Variants in TCAF1 observed in about 807,000 individuals in gnomAD.
TCAF1 encodes TRPM8 channel-associated factor 1.
TCAF1 carries 4 observed loss-of-function variants against 27.3 expected under a neutral mutation model. The ratio of observed to expected loss-of-function variants is 0.15; its 90% CI spans 0.07 to 0.34. TCAF1 has a LOEUF of 0.34. Ranked by LOEUF, TCAF1 falls within the 10% of genes least tolerant of loss-of-function variation. TCAF1 has a pLI of 1.00. For synonymous variants in TCAF1, 105 were observed against 167.1 expected, an observed-to-expected ratio of 0.63 and a Z score of 2.87; for missense variants, 257 against 425.8, an observed-to-expected ratio of 0.60 and a Z score of 3.49.
chr7:143,884,168 C>G (rs926260234), intron 1 of TCAF1, among the ~76,000 whole-genome samples: 1 of 152,130 alleles, frequency 6.6e-6, no homozygotes, highest in Non-Finnish European at 1.5e-5. Context: ...AATAAATATT[C>G]AAATCATCCT....
rs1383849526 is a variant in TCAF1 at position 143,851,948 on chromosome 7, T to C, written c.*2185A>G. The C allele has an allele frequency of 6.6e-6, 1 of 152,224 alleles. No homozygotes were observed. The highest frequency in any genetic ancestry group is 1.5e-5 in the Non-Finnish European group (1 of 68,052). The allele number at this position is 152,224 out of a possible 1,614,324, so 9.4% of individuals were successfully genotyped here. The stretch of plus-strand genomic sequence containing the variant: ...ATAAAAAATGAAACCTTTCACACTT[T>C]GTTAATAGGCTGATCTGAACATTGA... On this transcript the variant is annotated 3_prime_UTR_variant, in exon 9 of 9. Transcript: ENST00000479870.
At chr7:143,881,912 G>C (rs1322882735) in intron 1 of TCAF1, 1 of 152,136 alleles carries the variant, frequency 6.6e-6, no homozygotes, top group Admixed American at 6.5e-5. Context: ...AGAAGACCTG[G>C]GTATTATTAC....
chr7:143,885,665 T>A, intron 1 of TCAF1: 1 of 496,388 alleles, frequency 2.0e-6, no homozygotes, highest in Non-Finnish European at 2.6e-6. Flanking sequence ...TATATAAATC[T>A]ACTTATATAT....
rs896907336 is a variant in TCAF1 at position 143,876,520 on chromosome 7, A to T, written c.89T>A (p.Leu30His). The change falls in exon 2 of 9, where the codon CTT becomes CAT. Residue 30 changes from leucine to histidine, a missense_variant. Physicochemically the swap from Leu to His is moderately conservative, Grantham distance 99 (BLOSUM62 -3). Around this residue, in one of 2 missense-constraint regions of TCAF1, gnomAD observed 255 missense variants for 260.1 expected, o/e 0.98. Coordinates refer to ENST00000479870, the MANE Select transcript of TCAF1 (RefSeq NM_014719.3). Reference sequence around the variant, plus strand: ...AGGAAATGAAGCCTCTCCAATAAGAAGCAGTTCACATGGAACAGCATCTTC... The same window carrying T: ...AGGAAATGAAGCCTCTCCAATAAGATGCAGTTCACATGGAACAGCATCTTC... ...VPEDAVPCELLLIGEASFPVM... is the reference protein window; with the variant it reads ...VPEDAVPCELHLIGEASFPVM... The T allele has an allele frequency of 3.2e-6, 5 of 1,571,396 alleles. No homozygotes were observed. Among genetic ancestry groups the T allele is most frequent in the Non-Finnish European group, 4.3e-6 (5 of 1,162,858 alleles).
intron 1 of TCAF1, among the ~76,000 whole-genome samples, chr7:143,893,480 C>A (rs1291031936): frequency 6.6e-6 from 1 of 151,846 alleles, no homozygotes; most frequent in Non-Finnish European, 1.5e-5. Flanking sequence ...ATTTTTAGTG[C>A]GTGTCAAACA....
At chr7:143,874,990 G>A (rs966718775) in intron 2 of TCAF1, among the ~76,000 whole-genome samples, 1 of 152,122 alleles carries the variant, frequency 6.6e-6, no homozygotes, top group Admixed American at 6.5e-5. Context: ...AAAATGATAC[G>A]AGTCATCTTT....
chr7:143,900,044 G>A lies in TCAF1; in HGVS notation c.-15+1917C>T, dbSNP rs553397460. On this transcript the variant is annotated intron_variant, in intron 1 of 8. Coordinates refer to ENST00000479870, the MANE Select transcript of TCAF1 (RefSeq NM_014719.3). Reference sequence around the variant, plus strand: ...TCCACTGCTGGAGGGAGTGCAAACTGGTTTAACACTTTGGAAAGTTTAGAA... The same window carrying A: ...TCCACTGCTGGAGGGAGTGCAAACTAGTTTAACACTTTGGAAAGTTTAGAA... 2.0e-4 allele frequency among the ~76,000 whole-genome samples: 27 copies of A among 135,848 alleles called. No individual in the cohort carries two copies. The South Asian group carries it at 2.4e-3, about 12-fold the overall frequency. 89.1% of individuals were successfully genotyped at this position (135,848 alleles called of 152,430 possible). A position where few individuals can be genotyped will look rare whatever the true frequency, so the allele number is the denominator to read the frequency against.
At chr7:143,901,398 T>C (rs1047952248) in intron 1 of TCAF1, among the ~76,000 whole-genome samples, 4 of 152,228 alleles carry the variant, frequency 2.6e-5, no homozygotes, top group Non-Finnish European at 5.9e-5. Context: ...TGGGCCAAAC[T>C]AGCGGCCAGC....
intron 1 of TCAF1, among the ~76,000 whole-genome samples, chr7:143,887,232 CAT>C (rs993501171): frequency 5.9e-5 from 9 of 152,206 alleles, no homozygotes; most frequent in African/African-American, 1.4e-4. Context: ...TATTCTGAAA[CAT>C]GTGAATAAAT....
intron 1 of TCAF1, among the ~76,000 whole-genome samples, chr7:143,887,909 T>G (rs1310912417): frequency 6.6e-6 from 1 of 152,210 alleles, no homozygotes; most frequent in African/African-American, 2.4e-5. Flanking sequence ...ATATTTGATA[T>G]TAAGACTTAG....
intron 1 of TCAF1, among the ~76,000 whole-genome samples, chr7:143,891,962 T>C (rs1444435817): frequency 6.6e-6 from 1 of 152,020 alleles, no homozygotes; most frequent in Non-Finnish European, 1.5e-5. Context: ...ACAGAATTCC[T>C]AAAAGATGAA....
At chr7:143,882,913 C>T (rs1813154690) in intron 1 of TCAF1, 3 of 973,384 alleles carry the variant, frequency 3.1e-6, no homozygotes, top group Non-Finnish European at 3.7e-6. Flanking sequence ...GTCCCCTCCT[C>T]CCCACTTCCT....
At chr7:143,878,403 A>G (rs1161741790) in intron 1 of TCAF1, among the ~76,000 whole-genome samples, 2 of 152,186 alleles carry the variant, frequency 1.3e-5, no homozygotes, top group Non-Finnish European at 2.9e-5. Flanking sequence ...CATTTCTCAT[A>G]TATCTCTGTG....
intron 1 of TCAF1, among the ~76,000 whole-genome samples, chr7:143,883,489 CTTT>C (rs1476443051): frequency 3.0e-5 from 4 of 134,640 alleles, no homozygotes; most frequent in African/African-American, 1.2e-4. Context: ...GCATTTCTTT[CTTT>C]CCTTTTTCTT....
At chr7:143,878,890 G>C (rs11768025) in intron 1 of TCAF1, among the ~76,000 whole-genome samples, 1 of 151,866 alleles carries the variant, frequency 6.6e-6, no homozygotes, top group Non-Finnish European at 1.5e-5. Context: ...GGACTCAACC[G>C]ACCCAATTTC....
intron 1 of TCAF1, among the ~76,000 whole-genome samples, chr7:143,888,410 T>A (rs1156979362): frequency 6.6e-6 from 1 of 152,058 alleles, no homozygotes; most frequent in East Asian, 1.9e-4. Context: ...TAATTAAAAA[T>A]GACATCCCAG....
At position 143,880,583 on chromosome 7, in the gene TCAF1, T is replaced by A. The variant is rs192535195; in HGVS notation, c.-14-3961A>T. The stretch of plus-strand genomic sequence containing the variant: ...ACAATGAGAAACAACACCGAGTTAA[T>A]ACAAATTCAGTTAAGCATGTAAACA... On this transcript the variant is annotated intron_variant, in intron 1 of 8. Transcript: ENST00000479870. Among the ~76,000 whole-genome samples, 41 of 152,310 alleles carry A rather than the reference T, an allele frequency of 2.7e-4. No individual in the cohort carries two copies. In the East Asian group the frequency reaches 6.6e-3, roughly 24 times the overall value.
intron 6 of TCAF1, among the ~76,000 whole-genome samples, chr7:143,859,981 T>TATTATA (rs1811869901): frequency 2.3e-5 from 1 of 43,504 alleles, no homozygotes; most frequent in African/African-American, 9.0e-5. Flanking sequence ...ATAATATATA[T>TATTATA]TATATAATAT....
chr7:143,897,982 A>G (rs980384652), intron 1 of TCAF1, among the ~76,000 whole-genome samples: 3 of 152,156 alleles, frequency 2.0e-5, no homozygotes, highest in Non-Finnish European at 4.4e-5. Flanking sequence ...TTGTATCTAT[A>G]TCCACATACA....
Sources: allele counts gnomAD v4.1 joint callset (sites outside exome capture counted in the v4.1 genomes callset), GRCh38; gene constraint gnomAD v4.1.1; regional missense constraint gnomAD v4.1.1; transcripts MANE v1.5; gene names NCBI Gene and HGNC (gene_info 2026-07-23, HGNC 2026-07-21).